Variants in NRXN1 observed in about 807,000 individuals in gnomAD.
NRXN1 encodes neurexin-1.
A neutral mutation model predicts 150.9 loss-of-function variants in NRXN1; 39 were observed. The ratio of observed to expected loss-of-function variants is 0.26; its 90% CI spans 0.20 to 0.34. NRXN1 has a LOEUF of 0.34. Ranked by LOEUF, NRXN1 falls within the 10% of genes least tolerant of loss-of-function variation. NRXN1 has a pLI of 1.00. For missense variants in NRXN1, 1,815 were observed against 1,949.9 expected (o/e 0.93, Z 1.30); for synonymous variants, 924 against 757.0 (o/e 1.22, Z -3.62).
At chr2:50,416,670 G>A (rs766886346) in intron 17 of NRXN1, among the ~76,000 whole-genome samples, 1 of 152,074 alleles carries the variant, frequency 6.6e-6, no homozygotes, top group African/African-American at 2.4e-5. Context: ...CAGGCAGAAG[G>A]GGAAGCAAAC....
chr2:50,201,644 T>C (rs1199937592), intron 18 of NRXN1, among the ~76,000 whole-genome samples: 1 of 152,232 alleles, frequency 6.6e-6, no homozygotes, highest in Non-Finnish European at 1.5e-5. Flanking sequence ...TATCTGTTGC[T>C]GAATAATAAA....
At position 50,347,113 on chromosome 2, in the gene NRXN1, G is replaced by A; in HGVS notation, c.3365-110143C>T. Reference sequence around the variant, plus strand: ...CCCTCCTTCGGACAGTCTTCTCGGGGTCCTGGAGTCCGCCGTGCCTAGCAC... The same window carrying A: ...CCCTCCTTCGGACAGTCTTCTCGGGATCCTGGAGTCCGCCGTGCCTAGCAC... On this transcript the variant is annotated intron_variant, in intron 17 of 22. Coordinates refer to ENST00000401669, the MANE Select transcript of NRXN1 (RefSeq NM_001330078.2). The surrounding 1 kb of genome is among the most constrained non-coding windows in gnomAD (Gnocchi z 4.9). 1.4e-6 allele frequency: 2 copies of A among 1,387,114 alleles called. No individual in the cohort carries two copies. The highest frequency in any genetic ancestry group is 1.9e-6 in the Non-Finnish European group (2 of 1,053,522). The allele number at this position is 1,387,114 out of a possible 1,614,324, so 85.9% of individuals were successfully genotyped here.
At chr2:50,177,770 ACTAACTCT>A (rs1446452317) in intron 18 of NRXN1, among the ~76,000 whole-genome samples, 56 of 107,268 alleles carry the variant, frequency 5.2e-4, no homozygotes, top group Middle Eastern at 5.2e-3. Flanking sequence ...AAACTAACTA[ACTAACTCT>A]CTCTCTCTCT....
intron 15 of NRXN1, among the ~76,000 whole-genome samples, chr2:50,486,051 C>G (rs2090850609): frequency 6.6e-6 from 1 of 152,102 alleles, no homozygotes; most frequent in South Asian, 2.1e-4. Flanking sequence ...ATTACCTTAA[C>G]AGTGAACCCA....
intron 18 of NRXN1, among the ~76,000 whole-genome samples, chr2:50,197,000 C>T (rs2061816031): frequency 6.6e-6 from 1 of 152,098 alleles, no homozygotes. Context: ...GTCCAAGAAA[C>T]CCCCATGGCT....
chr2:49,928,358 G>T (rs965048305), intron 22 of NRXN1, among the ~76,000 whole-genome samples: 1 of 151,870 alleles, frequency 6.6e-6, no homozygotes, highest in Non-Finnish European at 1.5e-5. Context: ...TAAGCTTAAA[G>T]TAATAGATTT....
chr2:49,997,791 A>T (rs1024418658), intron 21 of NRXN1, among the ~76,000 whole-genome samples: 2 of 152,148 alleles, frequency 1.3e-5, no homozygotes, highest in Admixed American at 6.5e-5. Flanking sequence ...CCTAGAGTTC[A>T]TCTCTCTAAG....
intron 5 of NRXN1, among the ~76,000 whole-genome samples, chr2:50,876,536 T>C (rs1224512295): frequency 6.6e-6 from 1 of 151,862 alleles, no homozygotes; most frequent in African/African-American, 2.4e-5. Flanking sequence ...CATTCACCTT[T>C]CTGGTTCTCT....
intron 17 of NRXN1, among the ~76,000 whole-genome samples, chr2:50,251,104 T>C (rs2067021906): frequency 1.3e-5 from 2 of 151,850 alleles, no homozygotes; most frequent in South Asian, 4.2e-4. Context: ...TAATACAATA[T>C]GTAATAGATG....
intron 5 of NRXN1, chr2:50,631,144 T>G (rs1267927619): frequency 4.5e-6 from 2 of 440,464 alleles, no homozygotes; most frequent in Non-Finnish European, 9.2e-6. Flanking sequence ...TTCTACGTAA[T>G]ATATGTTGTA....
At chr2:50,439,538 G>A (rs919437655) in intron 17 of NRXN1, among the ~76,000 whole-genome samples, 2 of 152,138 alleles carry the variant, frequency 1.3e-5, no homozygotes, top group African/African-American at 4.8e-5. Flanking sequence ...CGGGCGCGGT[G>A]GCTCACGCCT....
chr2:50,436,098 A>G (rs1357096668), intron 17 of NRXN1, among the ~76,000 whole-genome samples: 1 of 152,230 alleles, frequency 6.6e-6, no homozygotes, highest in Admixed American at 6.5e-5. Context: ...AAAGAAGTCT[A>G]GATTACAATT....
intron 17 of NRXN1, among the ~76,000 whole-genome samples, chr2:50,456,299 C>T (rs2087550836): frequency 6.6e-6 from 1 of 152,076 alleles, no homozygotes; most frequent in Admixed American, 6.6e-5. Context: ...GAGATTAAGC[C>T]TCACACTCTA....
chr2:50,574,478 G>C (rs1396813752), intron 8 of NRXN1, among the ~76,000 whole-genome samples: 1 of 152,050 alleles, frequency 6.6e-6, no homozygotes, highest in African/African-American at 2.4e-5. Context: ...ATCTCCCAAG[G>C]CTCCTTTCCT....
intron 12 of NRXN1, among the ~76,000 whole-genome samples, chr2:50,524,291 C>T (rs1328412832): frequency 6.6e-6 from 1 of 151,982 alleles, no homozygotes; most frequent in African/African-American, 2.4e-5. Context: ...CGAGCCCGGC[C>T]AACATGGCAA....
In NRXN1 at chr2:50,347,913, T is replaced by C. The variant is rs2078160542; in HGVS notation, c.3365-110943A>G. 1.1e-6 allele frequency: 1 copy of C among 880,468 alleles called. No individual in the cohort carries two copies. The highest frequency in any genetic ancestry group is 1.4e-6 in the Non-Finnish European group (1 of 734,598). 54.5% of individuals were successfully genotyped at this position (880,468 alleles called of 1,614,324 possible). The stretch of plus-strand genomic sequence containing the variant: ...CCCACGAAAATCGCCCTGCTTTGCC[T>C]CTCCCTTGCATTCTCCACGCATCAA... On this transcript the variant is annotated intron_variant, in intron 17 of 22. Coordinates refer to ENST00000401669, the MANE Select transcript of NRXN1 (RefSeq NM_001330078.2). The surrounding 1 kb of genome is among the most constrained non-coding windows in gnomAD (Gnocchi z 4.9).
intron 15 of NRXN1, among the ~76,000 whole-genome samples, chr2:50,476,620 G>A (rs144575107): frequency 6.6e-6 from 1 of 152,172 alleles, no homozygotes; most frequent in East Asian, 1.9e-4. Flanking sequence ...TGATTCCACT[G>A]AGAAATGCAG....
At chr2:50,975,555 T>C (rs1274652189) in intron 2 of NRXN1, among the ~76,000 whole-genome samples, 1 of 152,134 alleles carries the variant, frequency 6.6e-6, no homozygotes, top group Non-Finnish European at 1.5e-5. Context: ...CCCCTAAATA[T>C]ATAATGTTCA....
intron 18 of NRXN1, among the ~76,000 whole-genome samples, chr2:50,187,722 T>C (rs2061178141): frequency 6.6e-6 from 1 of 152,142 alleles, no homozygotes; most frequent in Non-Finnish European, 1.5e-5. Flanking sequence ...TTCTTATCCA[T>C]GAGCATGGTT....
Sources: gnomAD v4.1 joint callset for allele counts (sites outside exome capture counted in the v4.1 genomes callset) on GRCh38, gnomAD v4.1.1 for gene constraint, Gnocchi (gnomAD v3.1) non-coding constraint, MANE v1.5 for transcripts, NCBI Gene and HGNC (gene_info 2026-07-23, HGNC 2026-07-21) for gene names.